The following SORL1 variants were observed in gnomAD, a reference collection of about 807,000 sequenced individuals.
SORL1 encodes sortilin-related receptor.
Under a neutral mutation model 273.7 loss-of-function variants are expected in SORL1, and 127 were observed. The observed-to-expected ratio is 0.46, with a 90% CI of 0.40 to 0.54. The LOEUF (loss-of-function observed/expected upper bound fraction) is 0.54, where lower values mean the gene tolerates loss of function less well. Ranked by LOEUF, SORL1 falls within the 20% of genes least tolerant of loss-of-function variation. The pLI is 0.00. For missense variants in SORL1, 2,494 were observed against 2,846.1 expected, an observed-to-expected ratio of 0.88 and a Z score of 2.81; for synonymous variants, 1,031 against 1,067.4, an observed-to-expected ratio of 0.97 and a Z score of 0.66.
At chr11:121,611,692 TC>T (rs1301964805) in intron 39 of SORL1, 1 of 152,592 alleles carries the variant, frequency 6.6e-6, no homozygotes, top group Non-Finnish European at 1.5e-5. Context: ...AGATCCGCTT[TC>T]CATAGTGTTC....
At chr11:121,528,489 T>C (rs747183829) in intron 11 of SORL1, among the ~76,000 whole-genome samples, 3 of 152,072 alleles carry the variant, frequency 2.0e-5, no homozygotes, top group Non-Finnish European at 4.4e-5. Context: ...AAAATTGAGA[T>C]GTAATTCACA....
At chr11:121,501,406 A>G (rs1276142765) in intron 6 of SORL1, among the ~76,000 whole-genome samples, 1 of 152,186 alleles carries the variant, frequency 6.6e-6, no homozygotes, top group Non-Finnish European at 1.5e-5. Context: ...GTAACCACTA[A>G]CCTAGTATCT....
Position 121,605,578 on chromosome 11 carries a change from G to A in SORL1, c.4948+7G>A, listed in dbSNP as rs1465471039. The A allele has an allele frequency of 6.2e-7, 1 of 1,608,230 alleles. No individual in the cohort carries two copies. The highest frequency in any genetic ancestry group is 1.7e-5 in the Admixed American group (1 of 59,768). The stretch of plus-strand genomic sequence containing the variant: ...CTGAGGACCCCAGAGGGATGTAAGT[G>A]TTTCAGTTAATTTTTATGGCATGGG... On this transcript the variant is annotated splice_region_variant and intron_variant, in intron 35 of 47. Coordinates refer to ENST00000260197, the MANE Select transcript of SORL1 (RefSeq NM_003105.6).
intron 12 of SORL1, among the ~76,000 whole-genome samples, chr11:121,537,600 T>G (rs1318239955): frequency 6.6e-6 from 1 of 152,230 alleles, no homozygotes; most frequent in Non-Finnish European, 1.5e-5. Flanking sequence ...CAATATCTGG[T>G]GCAGCCTTCC....
At chr11:121,453,048 C>T (rs1860835025) in intron 1 of SORL1, 1 of 161,040 alleles carries the variant, frequency 6.2e-6, no homozygotes, top group African/African-American at 2.4e-5. Context: ...ATTATTAGCA[C>T]AATAAAAGTG....
intron 19 of SORL1, 50 bp downstream of exon 19, chr11:121,557,455 A>G (rs574662836): frequency 1.5e-6 from 2 of 1,296,666 alleles, no homozygotes; most frequent in Non-Finnish European, 2.2e-6. Flanking sequence ...TGCTACACTA[A>G]TAGATTCTCA....
chr11:121,601,654 A>G (rs920474666), intron 32 of SORL1, among the ~76,000 whole-genome samples: 12 of 151,170 alleles, frequency 7.9e-5, no homozygotes, highest in Admixed American at 6.6e-4. Flanking sequence ...CCTGGACTCA[A>G]GCAATCCAGC....
In SORL1 at chr11:121,550,198, G is replaced by A. The variant is rs749940893; in HGVS notation, c.2180+110G>A. On this transcript the variant is annotated intron_variant, in intron 15 of 47. Transcript: ENST00000260197. This position sits in a 1 kb window ranked among gnomAD's most constrained non-coding sequence, Gnocchi z 5.3. ...TACACTCGAAATTCTAGAATTCCAA[G>A]TTAACAGCCTGCAAGTAGTTTGGGC... 2.0e-5 allele frequency: 23 copies of A among 1,143,822 alleles called. No individual in the cohort carries two copies. The highest frequency in any genetic ancestry group is 2.7e-5 in the Non-Finnish European group (22 of 824,654). 70.9% of individuals were successfully genotyped at this position (1,143,822 alleles called of 1,614,324 possible). A position where few individuals can be genotyped will look rare whatever the true frequency, so the allele number is the denominator to read the frequency against.
At position 121,574,048 on chromosome 11, in the gene SORL1, G is replaced by T. The variant is rs147957872; in HGVS notation, c.3338-193G>T. Among the ~76,000 whole-genome samples the T allele has an allele frequency of 4.8e-3, 737 of 152,240 alleles. 4 individuals carry two copies. Among genetic ancestry groups the T allele is most frequent in the African/African-American group, 0.017 (701 of 41,528 alleles). On this transcript the variant is annotated intron_variant, in intron 23 of 47. Transcript: ENST00000260197. ...CTGGAAGCTGTCCACAGAAAGATAT[G>T]CCCTTATCTCTCTTGGTTGTAAATT...
chr11:121,595,045 C>A lies in SORL1; in HGVS notation c.4370-578C>A, dbSNP rs1455042147. 6.6e-6 allele frequency among the ~76,000 whole-genome samples: 1 copy of A among 152,216 alleles called. No homozygotes were observed. Among genetic ancestry groups the A allele is most frequent in the African/African-American group, 2.4e-5 (1 of 41,454 alleles). On this transcript the variant is annotated intron_variant, in intron 31 of 47. Coordinates refer to ENST00000260197, the MANE Select transcript of SORL1 (RefSeq NM_003105.6). This position sits in a 1 kb window ranked among gnomAD's most constrained non-coding sequence, Gnocchi z 5.1. ...TAGGATATACTTGCTGTCAACTACG[C>A]CTATCTAAACAACTCTCTGTTTTTA...
At position 121,520,807 on chromosome 11, in the gene SORL1, G is replaced by A; in HGVS notation, c.1362G>A (p.Gln454=). ...FDKGGTWEFL[Q]APAFTGYGEK... is the part of the protein sequence containing the mutation. Reference sequence around the variant, plus strand: ...AAGGGGGAACCTGGGAGTTTCTTCAGGCTCCAGCCTTCACGGGATATGGAG... The same window carrying A: ...AAGGGGGAACCTGGGAGTTTCTTCAAGCTCCAGCCTTCACGGGATATGGAG... Residue 454 remains glutamine (Q), a synonymous_variant, in exon 9 of 48, where the codon CAG becomes CAA. Coordinates refer to ENST00000260197, the MANE Select transcript of SORL1 (RefSeq NM_003105.6). 6.2e-7 allele frequency: 1 copy of A among 1,610,992 alleles called. No homozygotes were observed. Among genetic ancestry groups the A allele is most frequent in the Non-Finnish European group, 8.5e-7 (1 of 1,178,934 alleles).
intron 4 of SORL1, 42 bp downstream of exon 4, chr11:121,488,235 G>GT: frequency 6.3e-7 from 1 of 1,598,692 alleles, no homozygotes; most frequent in Non-Finnish European, 8.5e-7. Context: ...GGCTCCTCTA[G>GT]TTTTCTCCTC....
rs146630869 is a variant in SORL1, at chr11:121,505,041, A to G, written c.940-7962A>G. ...ATGTTAAACCAATGCACATTTTTGG[A>G]ATGAATCCCACATGCTCTTGGTTTA... On this transcript the variant is annotated intron_variant, in intron 6 of 47. Transcript: ENST00000260197. Among the ~76,000 whole-genome samples, 769 of 152,234 alleles carry G rather than the reference A, an allele frequency of 5.1e-3. 8 individuals are homozygous for G. The highest frequency in any genetic ancestry group is 8.6e-3 in the Non-Finnish European group (584 of 68,018).
chr11:121,558,285 A>G (rs974195358), intron 19 of SORL1, among the ~76,000 whole-genome samples: 3 of 152,348 alleles, frequency 2.0e-5, no homozygotes, highest in East Asian at 1.9e-4. Context: ...ACAGTATTCT[A>G]TTATATGTAC....
intron 14 of SORL1, among the ~76,000 whole-genome samples, chr11:121,545,821 ATG>A (rs1472198586): frequency 6.6e-6 from 1 of 152,132 alleles, no homozygotes; most frequent in Non-Finnish European, 1.5e-5. Flanking sequence ...GTGTGTGTAT[ATG>A]TGTGTGTGTT....
Position 121,619,767 on chromosome 11 carries a change from A to G in SORL1, c.5739A>G (p.Val1913=). Residue 1913 remains valine, a synonymous_variant, in exon 43 of 48, where the codon GTA becomes GTG. Coordinates refer to ENST00000260197, the MANE Select transcript of SORL1 (RefSeq NM_003105.6). ...EQYLFLVRVV[V]PYQGPSSDYV... is the part of the protein sequence containing the mutation. ...TTGGGCTTCAGGTCCGTGTAGTGGT[A>G]CCCTACCAGGGGCCATCCTCTGACT... The G allele has an allele frequency of 1.2e-6, 2 of 1,614,008 alleles. No individual in the cohort carries two copies. Among genetic ancestry groups the G allele is most frequent in the Non-Finnish European group, 1.7e-6 (2 of 1,179,940 alleles).
intron 14 of SORL1, chr11:121,546,866 C>T (rs1222695659): frequency 6.6e-6 from 1 of 152,220 alleles, no homozygotes; most frequent in African/African-American, 2.4e-5. Flanking sequence ...CTTGCAGATT[C>T]TGCCTTGGTC....
chr11:121,582,722 A>G (rs1863030532), intron 25 of SORL1, among the ~76,000 whole-genome samples: 1 of 152,206 alleles, frequency 6.6e-6, no homozygotes. Flanking sequence ...GACACCACAT[A>G]TTATTGGCTG....
intron 5 of SORL1, among the ~76,000 whole-genome samples, chr11:121,495,824 A>C (rs2134821946): frequency 6.6e-6 from 1 of 152,320 alleles, no homozygotes; most frequent in African/African-American, 2.4e-5. Context: ...ATTGCCCCAC[A>C]GATCCAATGC....
Sources: gnomAD v4.1 joint callset for allele counts (sites outside exome capture counted in the v4.1 genomes callset) on GRCh38, gnomAD v4.1.1 for gene constraint, Gnocchi (gnomAD v3.1) non-coding constraint, MANE v1.5 for transcripts, NCBI Gene and HGNC (gene_info 2026-07-23, HGNC 2026-07-21) for gene names.